The following OPN1SW variants were observed in gnomAD, a reference collection of about 807,000 sequenced individuals.
OPN1SW encodes the protein short-wave-sensitive opsin 1.
In OPN1SW, 25 loss-of-function variants were observed where a neutral mutation model predicts 31.9. The observed-to-expected ratio is 0.78, with a 90% CI of 0.57 to 1.09. The LOEUF (loss-of-function observed/expected upper bound fraction) is 1.09. Among genes scored for constraint, OPN1SW ranks in the 50% least tolerant of loss-of-function variants. OPN1SW has a pLI of 0.00. For synonymous variants in OPN1SW, 190 were observed against 171.9 expected, an observed-to-expected ratio of 1.11 and a Z score of -0.82; for missense variants, 424 against 448.0, an observed-to-expected ratio of 0.95 and a Z score of 0.48.
intron 4 of OPN1SW, among the ~76,000 whole-genome samples, chr7:128,772,908 G>A (rs1661313759): frequency 6.6e-6 from 1 of 152,146 alleles, no homozygotes; most frequent in Non-Finnish European, 1.5e-5. Context: ...AAACCATCCT[G>A]CTTCATAAAA....
In OPN1SW at chr7:128,775,121, GC is replaced by G; in HGVS notation, c.376del (p.Ala126ProfsTer23). On this transcript the variant is annotated frameshift_variant, in exon 2 of 5. Transcript: ENST00000249389. LOFTEE classifies it high-confidence loss of function. ...LVTGWSLAFL[A>X]FERYIVICKP... ...ACAGATGACAATGTAGCGCTCAAAG[GC>G]CAGGAAGGCCAGTGACCATCCTGTA... is the stretch of plus-strand genomic sequence containing the variant. 1 of 1,614,172 alleles carries G rather than the reference GC, an allele frequency of 6.2e-7. No individual in the cohort carries two copies. The highest frequency in any genetic ancestry group is 8.5e-7 in the Non-Finnish European group (1 of 1,180,028).
chr7:128,772,592 G>T lies in OPN1SW; in HGVS notation c.986C>A (p.Ser329Tyr), dbSNP rs1351782596. Residue 329 changes from serine (S) to tyrosine (Y), a missense_variant, in exon 5 of 5, where the codon TCC (serine) becomes TAC (tyrosine). By Grantham distance (144) the Ser-to-Tyr change is moderately radical. Transcript: ENST00000249389. The stretch of plus-strand genomic sequence containing the variant: ...GACAGTAGAAACTTCTGTTTTCTGG[G>T]AGCTGCATGTGTCGGATTCATCTGT... ...AMTDESDTCS[S>Y]QKTEVSTVSS... 22 of 1,614,086 alleles carry T rather than the reference G, an allele frequency of 1.4e-5. 1 individual carries two copies. In the Admixed American group the frequency reaches 3.7e-4, roughly 27 times the overall value.
rs541573349 is a variant in OPN1SW, at chr7:128,774,490, C to A, written c.678+8G>T. 1.9e-6 allele frequency: 3 copies of A among 1,613,572 alleles called. No homozygotes were observed. The Admixed American group carries it at 5.0e-5, about 27-fold the overall frequency. On this transcript the variant is annotated splice_region_variant and intron_variant, in intron 3 of 4. Coordinates refer to ENST00000249389, the MANE Select transcript of OPN1SW (RefSeq NM_001385125.1). ...CCCCTTCTTCCCTGACTATCAAATG[C>A]CACTCACAGCTTTCAGGGCCCTCAG...
intron 4 of OPN1SW, 84 bp from the exon 5 acceptor site, chr7:128,772,743 C>A (rs1467319715): frequency 6.3e-7 from 1 of 1,575,660 alleles, no homozygotes; most frequent in Non-Finnish European, 8.7e-7. Flanking sequence ...ATCACCAAAG[C>A]CTTGCACAAT....
rs758249724 is a variant in OPN1SW at position 128,775,032 on chromosome 7, T to C, written c.466A>G (p.Thr156Ala). 2.3e-5 allele frequency: 37 copies of C among 1,614,126 alleles called. No individual in the cohort carries two copies. The South Asian group carries it at 4.1e-4, about 18-fold the overall frequency. Reference sequence around the variant, plus strand: ...GGGATGGAGACGCCAATACCAATGGTCCAGGTAGCCAGGACCACCGTCAGT... The same window carrying C: ...GGGATGGAGACGCCAATACCAATGGCCCAGGTAGCCAGGACCACCGTCAGT... The part of the protein sequence containing the change: ...HALTVVLATW[T>A]IGIGVSIPPF... Residue 156 changes from threonine (T) to alanine (A), a missense_variant, in exon 2 of 5, where the codon ACC (threonine) becomes GCC (alanine). Physicochemically the swap from Thr to Ala is moderately conservative, Grantham distance 58. Coordinates refer to ENST00000249389, the MANE Select transcript of OPN1SW (RefSeq NM_001385125.1).
rs1335956271 is a variant in OPN1SW, at chr7:128,772,519, A to G, written c.*21T>C. On this transcript the variant is annotated 3_prime_UTR_variant, in exon 5 of 5. Transcript: ENST00000249389. ...AGTAAAATTTAATTCTAGCTGTTGC[A>G]AACAGGCCAATATTGGGTCCTCAGT... The G allele has an allele frequency of 3.7e-6, 6 of 1,614,040 alleles. No individual in the cohort carries two copies. Among genetic ancestry groups the G allele is most frequent in the Non-Finnish European group, 4.2e-6 (5 of 1,179,996 alleles).
chr7:128,773,031 T>C (rs552779996), intron 4 of OPN1SW, among the ~76,000 whole-genome samples: 1 of 152,186 alleles, frequency 6.6e-6, no homozygotes, highest in African/African-American at 2.4e-5. Flanking sequence ...ACCTCTGGGA[T>C]TGAGGAAACA....
intron 4 of OPN1SW, 33 bp from the exon 5 acceptor site, chr7:128,772,692 G>C: frequency 6.2e-7 from 1 of 1,613,838 alleles, no homozygotes; most frequent in African/African-American, 1.3e-5. Context: ...AGATAACCTT[G>C]GCAGATGAGG....
rs149847165 is a variant in OPN1SW, at chr7:128,775,481, G to A, written c.301C>T (p.Arg101Cys). 9 of 1,613,674 alleles carry A rather than the reference G, an allele frequency of 5.6e-6. No homozygotes were observed. In the African/African-American group the frequency reaches 6.7e-5, roughly 12 times the overall value. The change falls in exon 1 of 5, where the codon CGC becomes TGC. Residue 101 changes from arginine (R) to cysteine (C), a missense_variant. Arg to Cys is a radical substitution (Grantham distance 180, BLOSUM62 -3). Transcript: ENST00000249389. ...ASCNGYFVFG[R>C]HVCALEGFLG... The stretch of plus-strand genomic sequence containing the variant: ...AAGCCCTCCAAAGCACAAACATGGC[G>A]ACCGAAGACGAAGTATCCGTTACAG...
chr7:128,774,884 A>T, intron 2 of OPN1SW, 102 bp downstream of exon 2: 1 of 1,503,184 alleles, frequency 6.7e-7, no homozygotes, highest in South Asian at 1.2e-5. Context: ...GCAACTCTTT[A>T]AAAGTAGAGG....
Position 128,774,680 on chromosome 7 carries a change from A to G in OPN1SW, c.513-17T>C. The stretch of plus-strand genomic sequence containing the variant: ...GGGATGAACCTGCAAAGGACCAAAC[A>G]CTTGCTCACTGGACTCTCCACAAGA... On this transcript the variant is annotated splice_polypyrimidine_tract_variant and intron_variant, in intron 2 of 4. Transcript: ENST00000249389. 6.2e-7 allele frequency: 1 copy of G among 1,613,984 alleles called. No individual in the cohort carries two copies.
chr7:128,774,983 C>CA lies in OPN1SW; in HGVS notation c.512+2dup. On this transcript the variant is annotated splice_region_variant and intron_variant, in intron 2 of 4. Transcript: ENST00000249389. ...ACTCAGCACCACTGCCCTGCACTCT[C>CA]ACCGGCTCCAGCCAAAGAAGGGTGG... 1 of 1,614,012 alleles carries CA rather than the reference C, an allele frequency of 6.2e-7. No homozygotes were observed. The highest frequency in any genetic ancestry group is 8.5e-7 in the Non-Finnish European group (1 of 1,180,044).
rs1400091050 is a variant in OPN1SW, at chr7:128,773,895, T to G, written c.679-7A>C. 6.2e-7 allele frequency: 1 copy of G among 1,608,120 alleles called. No homozygotes were observed. The highest frequency in any genetic ancestry group is 8.5e-7 in the Non-Finnish European group (1 of 1,179,838). On this transcript the variant is annotated splice_region_variant and splice_polypyrimidine_tract_variant and intron_variant, in intron 3 of 4. Coordinates refer to ENST00000249389, the MANE Select transcript of OPN1SW (RefSeq NM_001385125.1). ...CCTGCTGCTGAGCTGCAACCTGGGGTGGAGCACGGAAAGCATCACATCTCT... is the reference window on the plus strand; with the variant it reads ...CCTGCTGCTGAGCTGCAACCTGGGGGGGAGCACGGAAAGCATCACATCTCT...
In OPN1SW at chr7:128,773,729, G is replaced by C. The variant is rs778481357; in HGVS notation, c.838C>G (p.Arg280Gly). 56 of 1,614,112 alleles carry C rather than the reference G, an allele frequency of 3.5e-5. No individual in the cohort carries two copies. In the Middle Eastern group the frequency reaches 1.6e-3, roughly 47 times the overall value. Residue 280 changes from arginine (R) to glycine (G), a missense_variant, in exon 4 of 5, where the codon CGG (arginine) becomes GGG (glycine). Arg to Gly is a moderately radical substitution (Grantham distance 125, BLOSUM62 -2). Coordinates refer to ENST00000249389, the MANE Select transcript of OPN1SW (RefSeq NM_001385125.1). ...VNNRNHGLDL[R>G]LVTIPSFFSK... ...AAGAATGAAGGAATGGTGACAAGCCGTAAGTCCAGCCCATGGTTACGGTTG... is the reference window on the plus strand; with the variant it reads ...AAGAATGAAGGAATGGTGACAAGCCCTAAGTCCAGCCCATGGTTACGGTTG...
In OPN1SW at chr7:128,773,649, C is replaced by T. The variant is rs1175450974; in HGVS notation, c.918G>A (p.Gln306=). The change falls in exon 4 of 5, where the codon CAG becomes CAA. Residue 306 remains glutamine, a splice_region_variant and synonymous_variant. Coordinates refer to ENST00000249389, the MANE Select transcript of OPN1SW (RefSeq NM_001385125.1). ...TAGGAATGTGAATAAAGAGCTTTACCTGCTTATTCATGAAGCAGTAGATGA... is the reference window on the plus strand; with the variant it reads ...TAGGAATGTGAATAAAGAGCTTTACTTGCTTATTCATGAAGCAGTAGATGA... The part of the protein sequence containing the change: ...NPIIYCFMNK[Q]FQACIMKMVC... 7.4e-6 allele frequency: 12 copies of T among 1,614,076 alleles called. No individual in the cohort carries two copies. The highest frequency in any genetic ancestry group is 1.7e-5 in the Admixed American group (1 of 60,002).
intron 2 of OPN1SW, 70 bp downstream of exon 2, chr7:128,774,916 C>G (rs1435929382): frequency 1.3e-5 from 20 of 1,594,386 alleles, no homozygotes; most frequent in Admixed American, 1.0e-4. Context: ...ATAGTTATAC[C>G]CAAGCTCTCT....
intron 2 of OPN1SW, 54 bp from the exon 3 acceptor site, chr7:128,774,717 G>C (rs575555225): frequency 3.1e-6 from 5 of 1,607,844 alleles, no homozygotes; most frequent in Non-Finnish European, 4.3e-6. Flanking sequence ...TGCAGTGGGA[G>C]CTGAGATGCC....
intron 3 of OPN1SW, among the ~76,000 whole-genome samples, chr7:128,774,211 G>A (rs1185899094): frequency 3.3e-5 from 5 of 152,118 alleles, no homozygotes; most frequent in South Asian, 4.2e-4. Flanking sequence ...CGTCTGCTTC[G>A]GCCTCCCAAA....
At chr7:128,774,932 C>T in intron 2 of OPN1SW, 54 bp downstream of exon 2, 1 of 1,607,932 alleles carries the variant, frequency 6.2e-7, no homozygotes, top group Non-Finnish European at 8.5e-7. Flanking sequence ...TCTCTTTCCA[C>T]CCACATCAAC....
Sources: allele counts gnomAD v4.1 joint callset (sites outside exome capture counted in the v4.1 genomes callset), GRCh38; gene constraint gnomAD v4.1.1; transcripts MANE v1.5; gene names NCBI Gene and HGNC (gene_info 2026-07-23, HGNC 2026-07-21).